CLTA: variants seen among roughly 807,000 people sequenced by gnomAD.
The protein encoded by CLTA is clathrin light chain A.
In CLTA, 9 loss-of-function variants were observed where a neutral mutation model predicts 26.9. The observed-to-expected ratio is 0.33, with a 90% CI of 0.20 to 0.58. The LOEUF is 0.58. Ranked by LOEUF, CLTA falls within the 20% of genes least tolerant of loss-of-function variation. The probability of loss-of-function intolerance (pLI) is 0.85; values close to 1 mark genes in which losing one functional copy is unlikely to be tolerated. For synonymous variants in CLTA, 120 were observed against 115.5 expected (o/e 1.04, Z -0.25); for missense variants, 278 against 294.2 (o/e 0.94, Z 0.40).
At chr9:36,210,510 CAGAT>C in intron 4 of CLTA, 1 of 1,552,870 alleles carries the variant, frequency 6.4e-7, no homozygotes, top group Non-Finnish European at 8.8e-7. Context: ...TCCCCAAGCA[CAGAT>C]AGAGTGGCAA....
At position 36,211,646 on chromosome 9, in the gene CLTA, C is replaced by T. The variant is rs754807794; in HGVS notation, c.529C>T (p.Pro177Ser). The change falls in exon 5 of 5, where the codon CCA (proline) becomes TCA (serine). Residue 177 changes from proline to serine, a missense_variant. Pro to Ser is a moderately conservative substitution (Grantham distance 74, BLOSUM62 -1). Coordinates refer to ENST00000345519, the MANE Select transcript of CLTA (RefSeq NM_001833.4). ...AFVNDIDESS[P>S]GTEWERVARL... ...TGTAAATGACATTGACGAGTCGTCCCCAGGCACTGAGTGGGAACGGGTGGC... is the reference window on the plus strand; with the variant it reads ...TGTAAATGACATTGACGAGTCGTCCTCAGGCACTGAGTGGGAACGGGTGGC... 3 of 1,613,846 alleles carry T rather than the reference C, an allele frequency of 1.9e-6. No individual in the cohort carries two copies. The highest frequency in any genetic ancestry group is 1.6e-4 in the Middle Eastern group (1 of 6,080).
chr9:36,203,991 A>G (rs567178924), intron 3 of CLTA, 77 bp from the exon 4 acceptor site: 16 of 1,580,140 alleles, frequency 1.0e-5, no homozygotes, highest in African/African-American at 1.3e-5. Context: ...CAAGTTCAGC[A>G]AGACCAAAAT....
rs757650483 is a variant in CLTA, at chr9:36,199,434, ATTTTTCT to A, written c.373+358_373+364del. Among the ~76,000 whole-genome samples, 100 of 149,928 alleles carry A rather than the reference ATTTTTCT, an allele frequency of 6.7e-4. No homozygotes were observed. In the East Asian group the frequency reaches 7.0e-3, roughly 11 times the overall value. On this transcript the variant is annotated intron_variant, in intron 3 of 4. Coordinates refer to ENST00000345519, the MANE Select transcript of CLTA (RefSeq NM_001833.4). ...CTATGTCCGTGGACTTTAACAGTCC[ATTTTTCT>A]TTTTTCTTTTTTCTTTTTTTTTTTT...
At chr9:36,205,154 CTT>C (rs1052139835) in intron 4 of CLTA, among the ~76,000 whole-genome samples, 1 of 152,194 alleles carries the variant, frequency 6.6e-6, no homozygotes, top group Admixed American at 6.5e-5. Context: ...GTTGGACTCT[CTT>C]TTATATGCTA....
chr9:36,200,001 C>CTAA (rs1363804761), intron 3 of CLTA, among the ~76,000 whole-genome samples: 3 of 152,166 alleles, frequency 2.0e-5, no homozygotes, highest in Non-Finnish European at 4.4e-5. Context: ...CCCCATCAGC[C>CTAA]ACATTGCTTT....
In CLTA at chr9:36,199,008, A is replaced by G; in HGVS notation, c.285A>G (p.Ala95=). 6.2e-7 allele frequency: 1 copy of G among 1,613,726 alleles called. No homozygotes were observed. Residue 95 remains alanine, a synonymous_variant, in exon 3 of 5, where the codon GCA becomes GCG. Coordinates refer to ENST00000345519, the MANE Select transcript of CLTA (RefSeq NM_001833.4). The part of the protein sequence containing the change: ...QESNGPTDSY[A]AISQVDRLQS... ...GTAATGGTCCAACAGACAGTTATGC[A>G]GCTATTTCACAAGTGGATCGATTGC...
rs138682143 is a variant in CLTA at position 36,197,567 on chromosome 9, A to G, written c.234A>G (p.Val78=). ...GTCTTGCAGATGCTGTTGATGGAGT[A>G]ATGAATGGTGAATACTACCAGGTAC... The part of the protein sequence containing the change: ...PPGGPDAVDG[V]MNGEYYQESN... Residue 78 remains valine (V), a synonymous_variant, in exon 2 of 5, where the codon GTA becomes GTG. Transcript: ENST00000345519. 116 of 1,611,224 alleles carry G rather than the reference A, an allele frequency of 7.2e-5. No individual in the cohort carries two copies. The African/African-American group carries it at 1.5e-3, about 21-fold the overall frequency.
At chr9:36,190,894 G>C (rs1331836167), upstream of CLTA, 10 of 1,284,380 alleles carry the variant, frequency 7.8e-6, no homozygotes, top group East Asian at 2.6e-4. Context: ...ACACCGCCTA[G>C]ACCGACCGGA....
chr9:36,196,713 G>T (rs1162847644), intron 1 of CLTA, among the ~76,000 whole-genome samples: 2 of 152,086 alleles, frequency 1.3e-5, no homozygotes, highest in South Asian at 2.1e-4. Context: ...CTTCCCCCAT[G>T]CTTTCACTAG....
chr9:36,204,289 G>T, intron 4 of CLTA, 110 bp downstream of exon 4: 6 of 1,216,124 alleles, frequency 4.9e-6, no homozygotes, highest in Non-Finnish European at 5.7e-6. Context: ...TGAAATGTCT[G>T]CAGTTTTTAA....
At chr9:36,201,212 C>A (rs1200936850) in intron 3 of CLTA, among the ~76,000 whole-genome samples, 2 of 152,214 alleles carry the variant, frequency 1.3e-5, no homozygotes, top group Non-Finnish European at 2.9e-5. Flanking sequence ...TCACTTGGTT[C>A]ATGAACAAGG....
intron 1 of CLTA, among the ~76,000 whole-genome samples, chr9:36,192,481 C>T (rs1184646496): frequency 3.3e-5 from 5 of 152,206 alleles, no homozygotes; most frequent in African/African-American, 1.2e-4. Flanking sequence ...CTAAACAAAT[C>T]AGTCCCCCAA....
At chr9:36,208,018 A>G (rs1354565724) in intron 4 of CLTA, among the ~76,000 whole-genome samples, 1 of 152,252 alleles carries the variant, frequency 6.6e-6, no homozygotes, top group Non-Finnish European at 1.5e-5. Flanking sequence ...TCCTGTGTAT[A>G]AAACAAAATG....
intron 1 of CLTA, 138 bp from the exon 2 acceptor site, chr9:36,197,413 G>A: frequency 1.9e-6 from 1 of 538,716 alleles, no homozygotes; most frequent in Non-Finnish European, 3.4e-6. Context: ...TTTATTTGTT[G>A]TATATAGCAC....
upstream of CLTA, chr9:36,190,897 C>G (rs1261861162): frequency 1.5e-6 from 2 of 1,298,598 alleles, no homozygotes; most frequent in East Asian, 2.8e-5. Flanking sequence ...CCGCCTAGAC[C>G]GACCGGATAC....
intron 4 of CLTA, chr9:36,210,469 C>T (rs891301262): frequency 1.5e-6 from 1 of 650,664 alleles, no homozygotes; most frequent in Non-Finnish European, 1.9e-6. Flanking sequence ...TTTTGCTGGG[C>T]AGCTGGGTGG....
chr9:36,201,328 A>G (rs1827388466), intron 3 of CLTA, among the ~76,000 whole-genome samples: 1 of 152,216 alleles, frequency 6.6e-6, no homozygotes, highest in African/African-American at 2.4e-5. Context: ...TGCTGGCTAC[A>G]TTCTCAAGTA....
At chr9:36,199,157 AC>A in intron 3 of CLTA, 61 bp downstream of exon 3, 2 of 1,050,756 alleles carry the variant, frequency 1.9e-6, no homozygotes, top group Non-Finnish European at 3.0e-6. Flanking sequence ...GCTGGACTCT[AC>A]TTTTATTCCT....
At chr9:36,210,708 C>T (rs745559191) in intron 4 of CLTA, 33 of 1,611,274 alleles carry the variant, frequency 2.0e-5, no homozygotes, top group African/African-American at 4.0e-5. Flanking sequence ...GCCATGAAGT[C>T]GCAGTGTTGT....
Sources: gnomAD v4.1 joint callset for allele counts (sites outside exome capture counted in the v4.1 genomes callset) on GRCh38, gnomAD v4.1.1 for gene constraint, MANE v1.5 for transcripts, NCBI Gene and HGNC (gene_info 2026-07-23, HGNC 2026-07-21) for gene names.